The following INPP4B variants were observed in gnomAD, a reference collection of about 807,000 sequenced individuals.
INPP4B encodes inositol polyphosphate-4-phosphatase type II B.
In INPP4B, 55 loss-of-function variants were observed where a neutral mutation model predicts 122.5. That is an observed-to-expected ratio of 0.45 (90% CI 0.36 to 0.56). INPP4B has a LOEUF of 0.56. Ranked by LOEUF, INPP4B falls within the 20% of genes least tolerant of loss-of-function variation. INPP4B has a pLI of 0.00. For synonymous variants in INPP4B, 403 were observed against 388.7 expected (o/e 1.04, Z -0.43); for missense variants, 1,000 against 1,097.7 (o/e 0.91, Z 1.26).
At chr4:142,615,091 G>T (rs1471441788) in intron 2 of INPP4B, among the ~76,000 whole-genome samples, 1 of 152,086 alleles carries the variant, frequency 6.6e-6, no homozygotes, top group Non-Finnish European at 1.5e-5. Context: ...ACCTGAACTT[G>T]TAAGTTTATC....
At chr4:142,767,714 T>C (rs1165580143) in intron 1 of INPP4B, 1 of 152,122 alleles carries the variant, frequency 6.6e-6, no homozygotes, top group Non-Finnish European at 1.5e-5. Context: ...TAGGAGTAAA[T>C]TACAGAAGTT....
intron 2 of INPP4B, among the ~76,000 whole-genome samples, chr4:142,678,466 A>G (rs1401064554): frequency 1.3e-5 from 2 of 151,832 alleles, no homozygotes; most frequent in Admixed American, 1.3e-4. Flanking sequence ...TCTTAAGAAA[A>G]TCACTTCGCA....
chr4:142,041,486 C>T (rs754025856), intron 25 of INPP4B, among the ~76,000 whole-genome samples: 1 of 151,864 alleles, frequency 6.6e-6, no homozygotes, highest in Non-Finnish European at 1.5e-5. Flanking sequence ...GGCTTGGTGG[C>T]GGGCACCTGT....
chr4:142,434,909 A>T (rs1288258118), intron 3 of INPP4B, among the ~76,000 whole-genome samples: 1 of 152,146 alleles, frequency 6.6e-6, no homozygotes, highest in East Asian at 1.9e-4. Flanking sequence ...AAAATCACCA[A>T]AAAAAGGCAT....
At chr4:142,524,708 C>T (rs1451674175) in intron 2 of INPP4B, among the ~76,000 whole-genome samples, 2 of 152,174 alleles carry the variant, frequency 1.3e-5, no homozygotes, top group Non-Finnish European at 2.9e-5. Context: ...TAAAAACTCT[C>T]AATAAATTAG....
intron 11 of INPP4B, among the ~76,000 whole-genome samples, chr4:142,251,012 G>T (rs1205691332): frequency 6.6e-6 from 1 of 152,160 alleles, no homozygotes; most frequent in African/African-American, 2.4e-5. Context: ...TAATCTGAAA[G>T]AATTAGTATG....
intron 1 of INPP4B, among the ~76,000 whole-genome samples, chr4:142,782,746 G>A (rs183972763): frequency 7.9e-5 from 12 of 152,130 alleles, no homozygotes; most frequent in East Asian, 5.8e-4. Context: ...ATGGTGTCAC[G>A]CTACCTGACT....
At chr4:142,381,345 A>AT (rs1223261331) in intron 7 of INPP4B, among the ~76,000 whole-genome samples, 1 of 152,024 alleles carries the variant, frequency 6.6e-6, no homozygotes, top group Non-Finnish European at 1.5e-5. Flanking sequence ...AAGACAAAGC[A>AT]TTTTTTCATG....
At chr4:142,612,420 C>T (rs1192744698) in intron 2 of INPP4B, among the ~76,000 whole-genome samples, 1 of 152,104 alleles carries the variant, frequency 6.6e-6, no homozygotes, top group Admixed American at 6.6e-5. Context: ...ATGTCTTAGT[C>T]CTTCTTGGCT....
At chr4:142,429,292 C>T (rs1368872596) in intron 4 of INPP4B, 75 bp from the exon 5 acceptor site, 2 of 754,702 alleles carry the variant, frequency 2.7e-6, no homozygotes, top group Admixed American at 5.1e-5. Context: ...TATTACTATG[C>T]TTCATTGTGA....
intron 16 of INPP4B, among the ~76,000 whole-genome samples, chr4:142,167,005 C>A (rs1823089614): frequency 1.3e-5 from 2 of 151,694 alleles, no homozygotes; most frequent in Non-Finnish European, 3.0e-5. Flanking sequence ...AGACCTAGAA[C>A]CAGAAATACC....
rs150129651 is a variant in INPP4B, at chr4:142,458,158, C to A, written c.-127+4505G>T. ...GAGACAAATGGGTGAACGTCAAGCA[C>A]AATATGTAAGTAAAAGGTGGCCAGC... On this transcript the variant is annotated intron_variant, in intron 3 of 25. Coordinates refer to ENST00000262992, the MANE Select transcript of INPP4B (RefSeq NM_001101669.3). Among the ~76,000 whole-genome samples, 552 of 152,138 alleles carry A rather than the reference C, an allele frequency of 3.6e-3. 3 individuals are homozygous for A. The highest frequency in any genetic ancestry group is 0.012 in the South Asian group (58 of 4,816).
chr4:142,580,562 C>T (rs1734850445), intron 2 of INPP4B, among the ~76,000 whole-genome samples: 1 of 151,924 alleles, frequency 6.6e-6, no homozygotes, highest in Non-Finnish European at 1.5e-5. Context: ...GTTAGTTCTA[C>T]TCAGAAAAAT....
At chr4:142,257,918 A>G (rs576737000) in intron 11 of INPP4B, among the ~76,000 whole-genome samples, 1 of 152,346 alleles carries the variant, frequency 6.6e-6, no homozygotes, top group East Asian at 1.9e-4. Context: ...CAAAAGAACA[A>G]AGCTGGAGAC....
At chr4:142,522,322 T>G in intron 2 of INPP4B, among the ~76,000 whole-genome samples, 1 of 148,324 alleles carries the variant, frequency 6.7e-6, no homozygotes, top group Non-Finnish European at 1.5e-5. Context: ...GAACATTTCT[T>G]TCCTTCTTTC....
At chr4:142,268,728 T>C (rs1159049760) in intron 10 of INPP4B, among the ~76,000 whole-genome samples, 1 of 152,196 alleles carries the variant, frequency 6.6e-6, no homozygotes, top group African/African-American at 2.4e-5. Flanking sequence ...TGGATGATAT[T>C]ATGCTAAATG....
chr4:142,112,622 C>A lies in INPP4B; in HGVS notation c.2196G>T (p.Gln732His), dbSNP rs1349185331. Residue 732 changes from glutamine to histidine, a missense_variant, in exon 22 of 26, where the codon CAG becomes CAT. Gln to His is a conservative substitution (Grantham distance 24). Transcript: ENST00000262992. ...PARMFESLPLQIKEGQLLHVY... is the reference protein window; with the variant it reads ...PARMFESLPLHIKEGQLLHVY... Reference sequence around the variant, plus strand: ...CATGAAGCAACTGTCCTTCTTTAATCTGTAGAGGTAGTGACTCAAACATTC... The same window carrying A: ...CATGAAGCAACTGTCCTTCTTTAATATGTAGAGGTAGTGACTCAAACATTC... 2 of 1,613,136 alleles carry A rather than the reference C, an allele frequency of 1.2e-6. No individual in the cohort carries two copies. The highest frequency in any genetic ancestry group is 2.2e-5 in the East Asian group (1 of 44,818).
intron 7 of INPP4B, among the ~76,000 whole-genome samples, chr4:142,362,613 C>A (rs960373990): frequency 7.9e-5 from 12 of 151,850 alleles, no homozygotes; most frequent in African/African-American, 2.7e-4. Context: ...GAAGAAAGTG[C>A]AGCCTACAAG....
chr4:142,648,441 C>G (rs1035770592), intron 2 of INPP4B, among the ~76,000 whole-genome samples: 1 of 152,186 alleles, frequency 6.6e-6, no homozygotes, highest in African/African-American at 2.4e-5. Context: ...CAGACTGTAC[C>G]TGGAAAAACA....
Sources: gnomAD v4.1 joint callset for allele counts (sites outside exome capture counted in the v4.1 genomes callset) on GRCh38, gnomAD v4.1.1 for gene constraint, MANE v1.5 for transcripts, NCBI Gene and HGNC (gene_info 2026-07-23, HGNC 2026-07-21) for gene names.